The following NRXN3 variants were observed in gnomAD, a reference collection of about 807,000 sequenced individuals.
NRXN3 encodes neurexin III.
NRXN3 carries 32 observed loss-of-function variants against 137.6 expected under a neutral mutation model. The ratio of observed to expected loss-of-function variants is 0.23; its 90% confidence interval spans 0.18 to 0.31. The LOEUF (loss-of-function observed/expected upper bound fraction) is 0.31. Among genes scored for constraint, NRXN3 ranks in the 10% least tolerant of loss-of-function variants. NRXN3 has a pLI of 1.00. For missense variants in NRXN3, 1,574 were observed against 2,062.5 expected (o/e 0.76, Z 4.59); for synonymous variants, 798 against 784.5 (o/e 1.02, Z -0.29).
chr14:79,103,807 G>T (rs2051821721), intron 15 of NRXN3, among the ~76,000 whole-genome samples: 1 of 152,174 alleles, frequency 6.6e-6, no homozygotes, highest in South Asian at 2.1e-4. Flanking sequence ...ATGTATATGT[G>T]AAGGTCCTTT....
At chr14:79,103,830 C>T (rs2051825361) in intron 15 of NRXN3, among the ~76,000 whole-genome samples, 1 of 152,142 alleles carries the variant, frequency 6.6e-6, no homozygotes. Context: ...GACCCAGTTG[C>T]CCGATACCAG....
chr14:79,184,701 C>T (rs145730082), intron 15 of NRXN3, among the ~76,000 whole-genome samples: 1 of 152,248 alleles, frequency 6.6e-6, no homozygotes, highest in Non-Finnish European at 1.5e-5. Flanking sequence ...GCTGAGGATA[C>T]GTATCAAGGG....
At chr14:78,965,932 G>A in intron 11 of NRXN3, 93 bp from the exon 12 acceptor site, 1 of 1,374,328 alleles carries the variant, frequency 7.3e-7, no homozygotes, top group East Asian at 2.3e-5. Flanking sequence ...AATATTCTGT[G>A]TGGAAACAGG....
chr14:78,314,956 T>TTCCC (rs1237559859), intron 4 of NRXN3, among the ~76,000 whole-genome samples: 2 of 83,038 alleles, frequency 2.4e-5, no homozygotes, highest in Non-Finnish European at 4.6e-5. Context: ...CCTTCCTTCC[T>TTCCC]TCCTTCCTTC....
chr14:78,437,405 G>C (rs2094108678), intron 4 of NRXN3, among the ~76,000 whole-genome samples: 1 of 151,044 alleles, frequency 6.6e-6, no homozygotes, highest in African/African-American at 2.4e-5. Flanking sequence ...CTGGAGTGCA[G>C]TGGCATGATC....
At chr14:79,037,245 A>G (rs975859349) in intron 15 of NRXN3, among the ~76,000 whole-genome samples, 1 of 152,038 alleles carries the variant, frequency 6.6e-6, no homozygotes, top group Non-Finnish European at 1.5e-5. Context: ...CCTTGCTTTC[A>G]ACCAAAGCTG....
At chr14:78,467,030 T>C (rs941085809) in intron 4 of NRXN3, among the ~76,000 whole-genome samples, 4 of 152,202 alleles carry the variant, frequency 2.6e-5, no homozygotes, top group Non-Finnish European at 5.9e-5. Flanking sequence ...CTATGACCTA[T>C]AAGCTCTCTC....
At chr14:78,677,822 C>T (rs965880374) in intron 6 of NRXN3, among the ~76,000 whole-genome samples, 3 of 152,192 alleles carry the variant, frequency 2.0e-5, no homozygotes, top group African/African-American at 7.2e-5. Context: ...TCAGTAACCA[C>T]TAGCCTGATC....
At chr14:78,295,068 G>C (rs1328196365) in intron 3 of NRXN3, among the ~76,000 whole-genome samples, 1 of 152,166 alleles carries the variant, frequency 6.6e-6, no homozygotes, top group African/African-American at 2.4e-5. Context: ...ATAGACCTGG[G>C]CATGATGGAA....
chr14:78,473,193 G>A (rs1167603397), intron 4 of NRXN3, among the ~76,000 whole-genome samples: 1 of 151,978 alleles, frequency 6.6e-6, no homozygotes, highest in Non-Finnish European at 1.5e-5. Flanking sequence ...ATGAGGTCAG[G>A]AGATCAAGAC....
At chr14:79,629,176 A>G (rs552678233) in intron 16 of NRXN3, among the ~76,000 whole-genome samples, 1 of 151,872 alleles carries the variant, frequency 6.6e-6, no homozygotes, top group East Asian at 1.9e-4. Flanking sequence ...TGTATCAAAG[A>G]CATTATTTAT....
chr14:78,415,185 T>A (rs1299962496), intron 4 of NRXN3, among the ~76,000 whole-genome samples: 1 of 152,178 alleles, frequency 6.6e-6, no homozygotes, highest in Non-Finnish European at 1.5e-5. Context: ...TCCTATTTGT[T>A]AAATGGGGAT....
chr14:78,859,639 G>A (rs76402114), intron 10 of NRXN3, among the ~76,000 whole-genome samples: 1,792 of 152,136 alleles, frequency 0.012, 18 homozygotes, highest in Admixed American at 0.018. Context: ...TTATTGGTAT[G>A]TCTACCCAAG....
chr14:79,483,780 T>TGTGG (rs1273305193), intron 16 of NRXN3, among the ~76,000 whole-genome samples: 2 of 152,114 alleles, frequency 1.3e-5, no homozygotes, highest in Non-Finnish European at 2.9e-5. Flanking sequence ...CGTGTGTGTG[T>TGTGG]GTGGGTGGGT....
chr14:79,015,322 C>T (rs2099577506), intron 15 of NRXN3, among the ~76,000 whole-genome samples: 1 of 152,190 alleles, frequency 6.6e-6, no homozygotes, highest in African/African-American at 2.4e-5. Context: ...CATCCAAGCC[C>T]TCCCTGCTGC....
chr14:78,379,272 G>T (rs1649971898), intron 4 of NRXN3, among the ~76,000 whole-genome samples: 1 of 152,086 alleles, frequency 6.6e-6, no homozygotes, highest in African/African-American at 2.4e-5. Flanking sequence ...TATGAAGTTA[G>T]TATTACTCTG....
intron 15 of NRXN3, among the ~76,000 whole-genome samples, chr14:79,389,534 T>C (rs1376861724): frequency 6.6e-6 from 1 of 152,192 alleles, no homozygotes; most frequent in Non-Finnish European, 1.5e-5. Context: ...ACCATAGCAT[T>C]TGGCAAATAA....
chr14:79,430,942 T>C (rs2095742647), intron 15 of NRXN3, among the ~76,000 whole-genome samples: 1 of 152,160 alleles, frequency 6.6e-6, no homozygotes, highest in Non-Finnish European at 1.5e-5. Flanking sequence ...CAAACACATA[T>C]TACCTTTTCC....
chr14:78,432,509 C>T (rs927403738), intron 4 of NRXN3, among the ~76,000 whole-genome samples: 29 of 152,050 alleles, frequency 1.9e-4, no homozygotes, highest in African/African-American at 5.6e-4. Context: ...TGTAGGGAAG[C>T]GGAAGATGTT....
Sources: allele counts gnomAD v4.1 joint callset (sites outside exome capture counted in the v4.1 genomes callset), GRCh38; gene constraint gnomAD v4.1.1; transcripts MANE v1.5; gene names NCBI Gene and HGNC (gene_info 2026-07-23, HGNC 2026-07-21).